Variants in MAST2 observed in about 807,000 individuals in gnomAD.
The protein encoded by MAST2 is microtubule-associated serine/threonine-protein kinase 2.
In MAST2, 70 loss-of-function variants were observed where a neutral mutation model predicts 147.4. The ratio of observed to expected loss-of-function variants is 0.47; its 90% CI spans 0.39 to 0.58. The LOEUF (loss-of-function observed/expected upper bound fraction) is 0.58, where lower values mean the gene tolerates loss of function less well. MAST2 is among the 20% of genes least tolerant of loss of function. The pLI, the probability that MAST2 is intolerant of heterozygous loss-of-function variation, is 0.00. For missense variants in MAST2, 2,080 were observed against 2,302.3 expected, an observed-to-expected ratio of 0.90 and a Z score of 1.98; for synonymous variants, 869 against 896.8, an observed-to-expected ratio of 0.97 and a Z score of 0.55.
At chr1:45,972,814 A>G (rs575105240) in intron 5 of MAST2, among the ~76,000 whole-genome samples, 2 of 152,278 alleles carry the variant, frequency 1.3e-5, no homozygotes, top group South Asian at 4.1e-4. Flanking sequence ...CTGTCTCGTA[A>G]TCTGTTCTCT....
At chr1:46,020,517 C>G (rs551050905) in intron 11 of MAST2, among the ~76,000 whole-genome samples, 1 of 152,162 alleles carries the variant, frequency 6.6e-6, no homozygotes, top group Admixed American at 6.5e-5. Context: ...GCCGCATTTA[C>G]TTTTTTCTTA....
intron 10 of MAST2, 88 bp downstream of exon 10, chr1:46,011,027 T>G: frequency 8.7e-7 from 1 of 1,145,100 alleles, no homozygotes; most frequent in Non-Finnish European, 1.3e-6. Context: ...ATTAGTGGTA[T>G]TCTCAGTCTT....
chr1:46,028,621 C>T (rs1646510147), intron 17 of MAST2, 147 bp from the exon 18 acceptor site: 1 of 760,562 alleles, frequency 1.3e-6, no homozygotes, highest in Non-Finnish European at 2.2e-6. Flanking sequence ...TTCCCTGGGG[C>T]TTCTGTTGAT....
chr1:46,001,859 T>C (rs1330198198), intron 6 of MAST2, among the ~76,000 whole-genome samples: 3 of 152,174 alleles, frequency 2.0e-5, no homozygotes, highest in Admixed American at 6.5e-5. Flanking sequence ...ATCTTAGTGT[T>C]TTCTCTGTAA....
At position 46,036,090 on chromosome 1, in the gene MAST2, TC is replaced by T. The variant is rs1344676657; in HGVS notation, c.*25del. On this transcript the variant is annotated 3_prime_UTR_variant, in exon 29 of 29. Coordinates refer to ENST00000361297, the MANE Select transcript of MAST2 (RefSeq NM_015112.3). ...AGCAGTTGTTTGCCATTTCTTGCAC[TC>T]AGACCTGTGTAATATATGCTCCTGG... 6.4e-7 allele frequency: 1 copy of T among 1,573,360 alleles called. No individual in the cohort carries two copies. The highest frequency in any genetic ancestry group is 2.2e-5 in the East Asian group (1 of 44,572).
chr1:46,029,812 A>AT lies in MAST2; in HGVS notation c.2321-18dup, dbSNP rs778214527. On this transcript the variant is annotated intron_variant, in intron 19 of 28. Transcript: ENST00000361297. ...TGCTGCTCATCCTACCCCCTTGCCC[A>AT]TGTCCTCCCTGTCCACAGGCAGTGC... The AT allele has an allele frequency of 6.2e-7, 1 of 1,613,432 alleles. No homozygotes were observed. The highest frequency in any genetic ancestry group is 1.1e-5 in the South Asian group (1 of 90,990).
intron 11 of MAST2, among the ~76,000 whole-genome samples, chr1:46,020,847 CAT>C (rs1486349074): frequency 6.6e-6 from 1 of 152,188 alleles, no homozygotes; most frequent in African/African-American, 2.4e-5. Context: ...GAAATTCATA[CAT>C]GTTGTTGCAT....
chr1:45,999,499 C>T (rs536387211), intron 6 of MAST2, among the ~76,000 whole-genome samples: 18 of 152,140 alleles, frequency 1.2e-4, no homozygotes, highest in Non-Finnish European at 2.4e-4. Flanking sequence ...ATTTCTCATT[C>T]ATTTGATAAA....
At chr1:45,960,754 T>C (rs1295508015) in intron 5 of MAST2, among the ~76,000 whole-genome samples, 1 of 152,208 alleles carries the variant, frequency 6.6e-6, no homozygotes, top group Admixed American at 6.5e-5. Context: ...TAGTGGCAAT[T>C]GACAGACTTA....
chr1:45,925,401 A>C (rs1238118335), intron 4 of MAST2, among the ~76,000 whole-genome samples: 1 of 152,212 alleles, frequency 6.6e-6, no homozygotes, highest in East Asian at 1.9e-4. Context: ...ATAACCACTA[A>C]CCTTTACTCC....
chr1:45,858,044 G>A (rs1267076545), intron 3 of MAST2, among the ~76,000 whole-genome samples: 1 of 151,932 alleles, frequency 6.6e-6, no homozygotes, highest in Non-Finnish European at 1.5e-5. Flanking sequence ...CCAAGTCTTT[G>A]CTATTGTGAA....
chr1:45,950,469 A>G (rs1287602849), intron 4 of MAST2, among the ~76,000 whole-genome samples: 1 of 152,200 alleles, frequency 6.6e-6, no homozygotes, highest in East Asian at 1.9e-4. Context: ...TGGATTTTAA[A>G]TAGGGCTTTT....
intron 4 of MAST2, among the ~76,000 whole-genome samples, chr1:45,894,978 A>G (rs1261646364): frequency 4.6e-5 from 7 of 152,204 alleles, no homozygotes; most frequent in African/African-American, 7.2e-5. Flanking sequence ...TTTGGCAAAT[A>G]TATATACCCA....
intron 5 of MAST2, among the ~76,000 whole-genome samples, chr1:45,965,222 A>G (rs1354697288): frequency 1.3e-5 from 2 of 152,268 alleles, no homozygotes; most frequent in East Asian, 3.9e-4. Flanking sequence ...AGTTCTGTAG[A>G]TGTCTATTAG....
Position 46,024,045 on chromosome 1 carries a change from G to A in MAST2, c.1780+65G>A, listed in dbSNP as rs955982606. On this transcript the variant is annotated intron_variant, in intron 15 of 28. Coordinates refer to ENST00000361297, the MANE Select transcript of MAST2 (RefSeq NM_015112.3). Reference sequence around the variant, plus strand: ...CAGTCTGAGACTTAGCCTTAAACAGGGACCAGCAGCTTTGTACAGAGGTGA... The same window carrying A: ...CAGTCTGAGACTTAGCCTTAAACAGAGACCAGCAGCTTTGTACAGAGGTGA... The A allele has an allele frequency of 4.0e-6, 6 of 1,504,110 alleles. No homozygotes were observed. In the African/African-American group the frequency reaches 8.2e-5, roughly 21 times the overall value. The allele number at this position is 1,504,110 out of a possible 1,614,324, so 93.2% of individuals were successfully genotyped here.
At chr1:46,021,825 G>C (rs578175312) in intron 11 of MAST2, 125 bp from the exon 12 acceptor site, 2 of 851,912 alleles carry the variant, frequency 2.3e-6, no homozygotes, top group East Asian at 2.5e-5. Context: ...AATATTCAGG[G>C]GTGGGAGTGT....
intron 4 of MAST2, among the ~76,000 whole-genome samples, chr1:45,889,373 G>A (rs1466757225): frequency 2.0e-5 from 3 of 151,588 alleles, no homozygotes; most frequent in East Asian, 3.9e-4. Flanking sequence ...TTCTTGTAGA[G>A]GTGGGGTTTT....
At chr1:45,928,134 T>A (rs1423141868) in intron 4 of MAST2, among the ~76,000 whole-genome samples, 1 of 152,252 alleles carries the variant, frequency 6.6e-6, no homozygotes, top group Non-Finnish European at 1.5e-5. Context: ...ATCCCCAGTA[T>A]CGTCTACATT....
chr1:45,828,210 G>GA (rs765819001), intron 2 of MAST2, among the ~76,000 whole-genome samples: 1 of 152,116 alleles, frequency 6.6e-6, no homozygotes, highest in Non-Finnish European at 1.5e-5. Flanking sequence ...TTCTCCAAAT[G>GA]AATTGTATCA....
Sources: gnomAD v4.1 joint callset for allele counts (sites outside exome capture counted in the v4.1 genomes callset) on GRCh38, gnomAD v4.1.1 for gene constraint, MANE v1.5 for transcripts, NCBI Gene and HGNC (gene_info 2026-07-23, HGNC 2026-07-21) for gene names.